ILDR2: variants seen among roughly 807,000 people sequenced by gnomAD.
ILDR2 encodes the protein immunoglobulin like domain containing receptor 2, also known as immunoglobulin-like domain-containing receptor 2.
ILDR2 carries 25 observed loss-of-function variants against 66.8 expected under a neutral mutation model. The ratio of observed to expected loss-of-function variants is 0.37; its 90% CI spans 0.27 to 0.52. The LOEUF is 0.52. ILDR2 is among the 20% of genes least tolerant of loss of function. The pLI, the probability that ILDR2 is intolerant of heterozygous loss-of-function variation, is 0.88. For missense variants in ILDR2, 827 were observed against 876.8 expected (o/e 0.94, Z 0.72); for synonymous variants, 367 against 357.2 (o/e 1.03, Z -0.31).
Position 166,936,861 on chromosome 1 carries a change from T to A in ILDR2, c.557-124A>T. 2.2e-6 allele frequency: 2 copies of A among 896,266 alleles called. No individual in the cohort carries two copies. The highest frequency in any genetic ancestry group is 3.5e-6 in the Non-Finnish European group (2 of 573,068). The allele number at this position is 896,266 out of a possible 1,614,324, so 55.5% of individuals were successfully genotyped here. ...GGGACCTAGGGAAGAAAGCTTCTCT[T>A]AACAGGAGACAGAGCCCCAACACTC... On this transcript the variant is annotated intron_variant, in intron 4 of 9. Coordinates refer to ENST00000271417, the MANE Select transcript of ILDR2 (RefSeq NM_199351.3). The surrounding 1 kb of genome is among the most constrained non-coding windows in gnomAD (Gnocchi z 5.0).
intron 1 of ILDR2, among the ~76,000 whole-genome samples, chr1:166,972,349 G>A (rs926266): frequency 0.4 from 60,547 of 152,046 alleles, 12,366 homozygotes; most frequent in East Asian, 0.54. Flanking sequence ...CAGCTCCAGC[G>A]TTTCTCACAG....
intron 3 of ILDR2, among the ~76,000 whole-genome samples, chr1:166,945,888 C>T (rs1324414628): frequency 6.6e-6 from 1 of 152,194 alleles, no homozygotes; most frequent in African/African-American, 2.4e-5. Context: ...GTGAGGAATG[C>T]CTTTCTTCCC....
intron 3 of ILDR2, 151 bp from the exon 4 acceptor site, chr1:166,939,721 A>C: frequency 1.6e-6 from 1 of 642,072 alleles, no homozygotes; most frequent in South Asian, 1.9e-5. Flanking sequence ...AGCTAGGCTG[A>C]GACAAGAGAA....
At position 166,898,759 on chromosome 1, in the gene ILDR2, G is replaced by T. The variant is rs542382746; in HGVS notation, n.172-2658C>A. Among the ~76,000 whole-genome samples, 10 of 152,058 alleles carry T rather than the reference G, an allele frequency of 6.6e-5. No homozygotes were observed. The South Asian group carries it at 2.1e-3, about 32-fold the overall frequency. ...TCCCTAGTATGTACTTAGTGTTAAG[G>T]AAACAAAGACAAAAAGGAGGCCAGA... On this transcript the variant is annotated intron_variant and non_coding_transcript_variant, in intron 2 of 2. Transcript: ENST00000414590.
intron 3 of ILDR2, among the ~76,000 whole-genome samples, chr1:166,947,491 G>A (rs1470724980): frequency 6.6e-6 from 1 of 152,224 alleles, no homozygotes; most frequent in Non-Finnish European, 1.5e-5. Flanking sequence ...CAGCAAAGTC[G>A]GAGGCACAGC....
chr1:166,936,828 G>A lies in ILDR2; in HGVS notation c.557-91C>T. 8.0e-7 allele frequency: 1 copy of A among 1,246,942 alleles called. No individual in the cohort carries two copies. Among genetic ancestry groups the A allele is most frequent in the Non-Finnish European group, 1.1e-6 (1 of 871,214 alleles). 77.2% of individuals were successfully genotyped at this position (1,246,942 alleles called of 1,614,324 possible). A position where few individuals can be genotyped will look rare whatever the true frequency, so the allele number is the denominator to read the frequency against. On this transcript the variant is annotated intron_variant, in intron 4 of 9. Coordinates refer to ENST00000271417, the MANE Select transcript of ILDR2 (RefSeq NM_199351.3). This position sits in a 1 kb window ranked among gnomAD's most constrained non-coding sequence, Gnocchi z 5.0. ...TTGGCATCTCCCGGTGAAAGGGGGA[G>A]AGGAGGAGGGACCTAGGGAAGAAAG...
downstream of ILDR2, chr1:166,908,061 T>G (rs1175227311): frequency 6.6e-6 from 1 of 152,236 alleles, no homozygotes; most frequent in Non-Finnish European, 1.5e-5. Flanking sequence ...AAATGTGGCA[T>G]GATGAACTTC....
Position 166,920,716 on chromosome 1 carries a change from G to A in ILDR2, c.1875C>T (p.Ala625=), listed in dbSNP as rs889616556. 1.4e-6 allele frequency: 2 copies of A among 1,419,962 alleles called. No individual in the cohort carries two copies. Among genetic ancestry groups the A allele is most frequent in the South Asian group, 1.6e-5 (1 of 62,432 alleles). 88.0% of individuals were successfully genotyped at this position (1,419,962 alleles called of 1,614,324 possible). A position where few individuals can be genotyped will look rare whatever the true frequency, so the allele number is the denominator to read the frequency against. Reference sequence around the variant, plus strand: ...GCAGACGCAGTCTCACGGTTTTCTTGGCGGGCTCCTTTTTCCTCTTCTTCT... The same window carrying A: ...GCAGACGCAGTCTCACGGTTTTCTTAGCGGGCTCCTTTTTCCTCTTCTTCT... ...NSEKKRKKEP[A]KKTNDFPTRM... Residue 625 remains alanine, a synonymous_variant, in exon 9 of 10, where the codon GCC becomes GCT. Coordinates refer to ENST00000271417, the MANE Select transcript of ILDR2 (RefSeq NM_199351.3).
intron 3 of ILDR2, among the ~76,000 whole-genome samples, chr1:166,947,715 G>C (rs1480828320): frequency 1.3e-5 from 2 of 152,094 alleles, no homozygotes; most frequent in Non-Finnish European, 2.9e-5. Flanking sequence ...ACAATGCAGC[G>C]CGCGGCTGAC....
chr1:166,906,064 T>C (rs1479149383), downstream of ILDR2, among the ~76,000 whole-genome samples: 8 of 152,204 alleles, frequency 5.3e-5, no homozygotes, highest in East Asian at 1.5e-3. Context: ...GTGACCTGGA[T>C]GTAAAAGTGT....
intron 2 of ILDR2, among the ~76,000 whole-genome samples, chr1:166,901,575 G>A (rs905021676): frequency 2.6e-5 from 4 of 151,764 alleles, no homozygotes; most frequent in Admixed American, 6.6e-5. Context: ...GTCCCAATTT[G>A]TTTTTTTTAT....
chr1:166,899,024 C>T (rs1271033660), intron 2 of ILDR2, among the ~76,000 whole-genome samples: 1 of 152,072 alleles, frequency 6.6e-6, no homozygotes, highest in Non-Finnish European at 1.5e-5. Flanking sequence ...TGCCCCACTG[C>T]ATTTCAGCCT....
rs1659908792 is a variant in ILDR2 at position 166,921,159 on chromosome 1, A to C, written c.1432T>G (p.Tyr478Asp). 1 of 1,542,532 alleles carries C rather than the reference A, an allele frequency of 6.5e-7. No homozygotes were observed. The highest frequency in any genetic ancestry group is 8.7e-7 in the Non-Finnish European group (1 of 1,150,924). Reference protein sequence around the residue: ...FYQDDSLEEYYGQRSRSREPL... With the variant: ...FYQDDSLEEYDGQRSRSREPL... ...TCGCGGCTGCGGCTGCGCTGACCGT[A>C]GTACTCCTCCAAGGAGTCGTCCTGG... Residue 478 changes from tyrosine (Y) to aspartate (D), a missense_variant, in exon 9 of 10, where the codon TAC becomes GAC. By Grantham distance (160) the Tyr-to-Asp change is radical (BLOSUM62 -3). This residue lies in a region of ILDR2 where 390 missense variants were observed against 353.6 expected (regional missense o/e 1.10). Coordinates refer to ENST00000271417, the MANE Select transcript of ILDR2 (RefSeq NM_199351.3). This position sits in a 1 kb window ranked among gnomAD's most constrained non-coding sequence, Gnocchi z 5.3.
At chr1:166,948,829 C>T (rs1057262158) in intron 3 of ILDR2, among the ~76,000 whole-genome samples, 12 of 152,084 alleles carry the variant, frequency 7.9e-5, no homozygotes, top group African/African-American at 1.9e-4. Flanking sequence ...GAAACGCTGG[C>T]GATGTGGTGT....
chr1:166,936,803 T>C lies in ILDR2; in HGVS notation c.557-66A>G, dbSNP rs1661010637. Reference sequence around the variant, plus strand: ...ACCTCCAGGGCAGGGTGCACTTTGATTGGCATCTCCCGGTGAAAGGGGGAG... The same window carrying C: ...ACCTCCAGGGCAGGGTGCACTTTGACTGGCATCTCCCGGTGAAAGGGGGAG... On this transcript the variant is annotated intron_variant, in intron 4 of 9. Coordinates refer to ENST00000271417, the MANE Select transcript of ILDR2 (RefSeq NM_199351.3). The surrounding 1 kb of genome is among the most constrained non-coding windows in gnomAD (Gnocchi z 5.0). 4 of 1,521,632 alleles carry C rather than the reference T, an allele frequency of 2.6e-6. No homozygotes were observed. The South Asian group carries it at 4.6e-5, about 17-fold the overall frequency. 94.3% of individuals were successfully genotyped at this position (1,521,632 alleles called of 1,614,324 possible). A position where few individuals can be genotyped will look rare whatever the true frequency, so the allele number is the denominator to read the frequency against.
At position 166,956,830 on chromosome 1, in the gene ILDR2, C is replaced by G; in HGVS notation, c.402G>C (p.Lys134Asn). ...IVHDADLQIG[K>N]LMWGDSGLYY... ...AGAGTCCGCTGTCTCCCCACATAAG[C>G]TTTCCAATTTGAAGATCTGCATCTG... Residue 134 changes from lysine (K) to asparagine (N), a missense_variant, in exon 3 of 10, where the codon AAG becomes AAC. By Grantham distance (94) the Lys-to-Asn change is moderately conservative (BLOSUM62 0). Transcript: ENST00000271417. 6.2e-7 allele frequency: 1 copy of G among 1,613,792 alleles called. No homozygotes were observed. The highest frequency in any genetic ancestry group is 8.5e-7 in the Non-Finnish European group (1 of 1,179,834).
Position 166,920,605 on chromosome 1 carries a change from C to T in ILDR2, c.1884+102G>A, listed in dbSNP as rs1437467559. ...TGCGGCCTCTCCGGCAAGGACCCTC[C>T]CGCCTCGCCACCTCCCCGGCCCCCA... On this transcript the variant is annotated intron_variant, in intron 9 of 9. Coordinates refer to ENST00000271417, the MANE Select transcript of ILDR2 (RefSeq NM_199351.3). 4 of 1,265,626 alleles carry T rather than the reference C, an allele frequency of 3.2e-6. No homozygotes were observed. In the East Asian group the frequency reaches 9.5e-5, roughly 30 times the overall value. The allele number at this position is 1,265,626 out of a possible 1,614,324, so 78.4% of individuals were successfully genotyped here. A position where few individuals can be genotyped will look rare whatever the true frequency, so the allele number is the denominator to read the frequency against.
rs1662378040 is a variant in ILDR2 at position 166,957,928 on chromosome 1, A to G, written c.220T>C (p.Ser74Pro). 2.5e-6 allele frequency: 4 copies of G among 1,614,158 alleles called. No homozygotes were observed. The highest frequency in any genetic ancestry group is 3.4e-6 in the Non-Finnish European group (4 of 1,180,026). Residue 74 changes from serine (S) to proline (P), a missense_variant, in exon 2 of 10, where the codon TCT becomes CCT. Transcript: ENST00000271417. Reference protein sequence around the residue: ...DRMGESLGMSSTRAQSLSKRN... With the variant: ...DRMGESLGMSPTRAQSLSKRN... The stretch of plus-strand genomic sequence containing the variant: ...TTGCTGAGAGATTGGGCCCGGGTAG[A>G]GGACATGCCCAAGGATTCTCCCATG...
downstream of ILDR2, among the ~76,000 whole-genome samples, chr1:166,905,944 A>G (rs953776108): frequency 1.3e-5 from 2 of 152,182 alleles, no homozygotes; most frequent in African/African-American, 2.4e-5. Flanking sequence ...TTTATGTGAA[A>G]GGAATCAGTT....
Sources: allele counts gnomAD v4.1 joint callset (sites outside exome capture counted in the v4.1 genomes callset), GRCh38; gene constraint gnomAD v4.1.1; regional missense constraint gnomAD v4.1.1; non-coding constraint Gnocchi (gnomAD v3.1); transcripts MANE v1.5; gene names NCBI Gene and HGNC (gene_info 2026-07-23, HGNC 2026-07-21).